BMPR1B: variants seen among roughly 807,000 people sequenced by gnomAD.
The protein encoded by BMPR1B is bone morphogenetic protein receptor type 1B.
Under a neutral mutation model 59.1 loss-of-function variants are expected in BMPR1B, and 12 were observed. That is an observed-to-expected ratio of 0.20 (90% CI 0.13 to 0.33). BMPR1B has a LOEUF of 0.33. Ranked by LOEUF, BMPR1B falls within the 10% of genes least tolerant of loss-of-function variation. BMPR1B has a pLI of 1.00. For synonymous variants in BMPR1B, 237 were observed against 207.3 expected (o/e 1.14, Z -1.23); for missense variants, 550 against 610.9 (o/e 0.90, Z 1.05).
At chr4:95,121,684 G>A (rs1412112268) in intron 6 of BMPR1B, among the ~76,000 whole-genome samples, 2 of 151,842 alleles carry the variant, frequency 1.3e-5, no homozygotes, top group Admixed American at 1.3e-4. Flanking sequence ...TCTAGGTGAA[G>A]GGCACATTGG....
At chr4:94,953,803 G>A (rs1249797830) in intron 2 of BMPR1B, among the ~76,000 whole-genome samples, 2 of 152,152 alleles carry the variant, frequency 1.3e-5, no homozygotes, top group Non-Finnish European at 2.9e-5. Flanking sequence ...ATGTTGGCCT[G>A]TCTTGCTAGG....
At chr4:94,894,701 A>G (rs1314644323) in intron 2 of BMPR1B, among the ~76,000 whole-genome samples, 1 of 151,450 alleles carries the variant, frequency 6.6e-6, no homozygotes, top group African/African-American at 2.4e-5. Flanking sequence ...TTTTTCTAAA[A>G]GGGAATTGTT....
chr4:94,945,484 C>T (rs1729674404), intron 2 of BMPR1B, among the ~76,000 whole-genome samples: 1 of 152,134 alleles, frequency 6.6e-6, no homozygotes, highest in African/African-American at 2.4e-5. Flanking sequence ...GTTGTCCAGT[C>T]TAGAGTGCAG....
intron 1 of BMPR1B, among the ~76,000 whole-genome samples, chr4:94,773,586 A>T (rs1399408753): frequency 6.6e-6 from 1 of 152,090 alleles, no homozygotes; most frequent in Admixed American, 6.5e-5. Context: ...TTTGCTAAGA[A>T]CTTTTAAGGC....
intron 1 of BMPR1B, among the ~76,000 whole-genome samples, chr4:94,801,872 A>G (rs552076688): frequency 6.6e-6 from 1 of 152,356 alleles, no homozygotes; most frequent in Admixed American, 6.5e-5. Flanking sequence ...ATAATTTGAG[A>G]GAGTTAACAG....
At chr4:94,928,222 G>A (rs1728963997) in intron 2 of BMPR1B, among the ~76,000 whole-genome samples, 1 of 151,302 alleles carries the variant, frequency 6.6e-6, no homozygotes, top group Non-Finnish European at 1.5e-5. Flanking sequence ...GAGGGCAGTG[G>A]TATGATCATA....
chr4:95,090,972 G>A (rs1485960436), intron 3 of BMPR1B, among the ~76,000 whole-genome samples: 2 of 152,068 alleles, frequency 1.3e-5, no homozygotes, highest in African/African-American at 2.4e-5. Context: ...TTGACATTTA[G>A]TAAAGGTAAA....
chr4:94,900,142 T>C (rs1052178047), intron 2 of BMPR1B, among the ~76,000 whole-genome samples: 1 of 151,844 alleles, frequency 6.6e-6, no homozygotes, highest in Non-Finnish European at 1.5e-5. Flanking sequence ...TTTGGAAACC[T>C]GTAACTTATC....
At chr4:94,764,469 C>T (rs550407283) in intron 1 of BMPR1B, among the ~76,000 whole-genome samples, 28 of 152,260 alleles carry the variant, frequency 1.8e-4, no homozygotes, top group African/African-American at 6.0e-4. Flanking sequence ...CTGCAATACC[C>T]TTGGGGTTCT....
chr4:94,801,059 C>T (rs961670284), intron 1 of BMPR1B, among the ~76,000 whole-genome samples: 26 of 152,134 alleles, frequency 1.7e-4, no homozygotes, highest in Admixed American at 1.3e-4. Flanking sequence ...AGACCTAGAC[C>T]TAGAGCAGAG....
intron 3 of BMPR1B, among the ~76,000 whole-genome samples, chr4:95,094,945 G>A (rs1390537581): frequency 6.6e-6 from 1 of 151,862 alleles, no homozygotes; most frequent in East Asian, 1.9e-4. Context: ...TTTTGCTCTG[G>A]TATTTTTTAA....
intron 3 of BMPR1B, among the ~76,000 whole-genome samples, chr4:95,021,123 A>G (rs1723951379): frequency 6.6e-6 from 1 of 152,236 alleles, no homozygotes; most frequent in Non-Finnish European, 1.5e-5. Context: ...GTATGGGATT[A>G]AGTAACAAAT....
intron 2 of BMPR1B, among the ~76,000 whole-genome samples, chr4:94,925,245 C>A (rs866862444): frequency 6.6e-6 from 1 of 152,014 alleles, no homozygotes; most frequent in Admixed American, 6.6e-5. Flanking sequence ...GTCAGTTTCA[C>A]AATTTATGTT....
chr4:94,823,969 A>G (rs1234833297), intron 1 of BMPR1B, among the ~76,000 whole-genome samples: 1 of 151,960 alleles, frequency 6.6e-6, no homozygotes, highest in Admixed American at 6.6e-5. Context: ...GATGGTCTCA[A>G]TCTCCTGACC....
rs1358023710 is a variant in BMPR1B at position 94,912,870 on chromosome 4, T to C, written c.-113+36970T>C. Among the ~76,000 whole-genome samples, 2 of 150,984 alleles carry C rather than the reference T, an allele frequency of 1.3e-5. 1 individual carries two copies. Among genetic ancestry groups the C allele is most frequent in the Non-Finnish European group, 3.0e-5 (2 of 67,706 alleles). ...TACAGATCAGAAAATTTAGGGAGGGTAAGTTGGAGGCAGAATTAAATGTAA... is the reference window on the plus strand; with the variant it reads ...TACAGATCAGAAAATTTAGGGAGGGCAAGTTGGAGGCAGAATTAAATGTAA... On this transcript the variant is annotated intron_variant, in intron 2 of 12. Coordinates refer to ENST00000515059, the MANE Select transcript of BMPR1B (RefSeq NM_001203.3).
intron 3 of BMPR1B, among the ~76,000 whole-genome samples, chr4:95,048,026 C>G (rs895951083): frequency 7.9e-5 from 12 of 152,048 alleles, no homozygotes; most frequent in Non-Finnish European, 1.6e-4. Context: ...TGTTAAGTTC[C>G]CACTTTTAAG....
chr4:95,053,830 A>C (rs1726712651), intron 3 of BMPR1B, among the ~76,000 whole-genome samples: 1 of 152,124 alleles, frequency 6.6e-6, no homozygotes, highest in Admixed American at 6.6e-5. Flanking sequence ...TTTTGCCCTG[A>C]TAAATACAGA....
chr4:94,800,917 A>G (rs1234359604), intron 1 of BMPR1B, among the ~76,000 whole-genome samples: 1 of 152,214 alleles, frequency 6.6e-6, no homozygotes, highest in African/African-American at 2.4e-5. Flanking sequence ...TCCTTTCTTA[A>G]GAGTTATGCA....
intron 1 of BMPR1B, among the ~76,000 whole-genome samples, chr4:94,776,294 G>T (rs17022181): frequency 0.32 from 48,218 of 151,938 alleles, 8,427 homozygotes; most frequent in African/African-American, 0.47. Flanking sequence ...GGGAGTATTT[G>T]ATCAAAGAAC....
Sources: allele counts gnomAD v4.1 joint callset (sites outside exome capture counted in the v4.1 genomes callset), GRCh38; gene constraint gnomAD v4.1.1; transcripts MANE v1.5; gene names NCBI Gene and HGNC (gene_info 2026-07-23, HGNC 2026-07-21).